The following CCDC171 variants were observed in gnomAD, a reference collection of about 807,000 sequenced individuals.
CCDC171 encodes the protein coiled-coil domain containing 171, also known as coiled-coil domain-containing protein 171.
A neutral mutation model predicts 168.2 loss-of-function variants in CCDC171; 177 were observed. The ratio of observed to expected loss-of-function variants is 1.05; its 90% confidence interval spans 0.93 to 1.19. The LOEUF is 1.19. CCDC171 is among the 50% of genes most tolerant of loss of function. The pLI, the probability that CCDC171 is intolerant of heterozygous loss-of-function variation, is 0.00. For missense variants in CCDC171, 1,991 were observed against 1,539.0 expected (o/e 1.29, Z -4.91); for synonymous variants, 687 against 540.8 (o/e 1.27, Z -3.75).
At chr9:16,044,502 TA>T (rs1340588629) in intron 1 of CCDC171, among the ~76,000 whole-genome samples, 1 of 151,220 alleles carries the variant, frequency 6.6e-6, no homozygotes, top group East Asian at 1.9e-4. Context: ...GAATGAAAAA[TA>T]TAGATCAAAT....
Position 15,674,755 on chromosome 9 carries a change from T to A in CCDC171, c.1077-4003T>A, listed in dbSNP as rs557365404. Among the ~76,000 whole-genome samples the A allele has an allele frequency of 5.3e-5, 8 of 152,302 alleles. No individual in the cohort carries two copies. In the South Asian group the frequency reaches 1.4e-3, roughly 28 times the overall value. On this transcript the variant is annotated intron_variant, in intron 9 of 25. Transcript: ENST00000380701. ...TGTTATAATTTCTCATCTTTTACAT[T>A]TGCTGAGGAGTGTTTTATTTCCAAT...
At chr9:16,020,594 CTA>C (rs1564123059) in exon 4 of CCDC171, 1 of 154,348 alleles carries the variant, frequency 6.5e-6, no homozygotes, top group Non-Finnish European at 1.5e-5. Flanking sequence ...GCCAGCAGCA[CTA>C]CGTTTGCACT....
At chr9:15,725,389 T>C (rs2053733070) in intron 14 of CCDC171, among the ~76,000 whole-genome samples, 1 of 152,204 alleles carries the variant, frequency 6.6e-6, no homozygotes, top group Admixed American at 6.5e-5. Context: ...CTTCTGTTTA[T>C]AAATGATGTG....
At chr9:15,740,268 TC>T (rs1451493516) in intron 16 of CCDC171, among the ~76,000 whole-genome samples, 1 of 152,186 alleles carries the variant, frequency 6.6e-6, no homozygotes, top group Non-Finnish European at 1.5e-5. Context: ...CAGAAGGCCA[TC>T]CAGTTATTTC....
intron 7 of CCDC171, among the ~76,000 whole-genome samples, chr9:15,651,775 T>C (rs1211286015): frequency 6.6e-6 from 1 of 152,220 alleles, no homozygotes; most frequent in East Asian, 1.9e-4. Context: ...GTTGATTACA[T>C]ACCTTTGCTA....
intron 24 of CCDC171, among the ~76,000 whole-genome samples, chr9:15,884,251 G>A (rs1386777095): frequency 7.1e-6 from 1 of 140,038 alleles, no homozygotes; most frequent in Non-Finnish European, 1.6e-5. Context: ...CTGGTCTGGT[G>A]CATCTTTGGG....
intron 24 of CCDC171, among the ~76,000 whole-genome samples, chr9:15,914,660 C>G (rs1824231192): frequency 6.7e-6 from 1 of 149,162 alleles, no homozygotes; most frequent in Non-Finnish European, 1.5e-5. Flanking sequence ...GTGAACAGTT[C>G]TGTCTTGCTA....
At chr9:15,893,930 T>C (rs978277658) in intron 24 of CCDC171, among the ~76,000 whole-genome samples, 1 of 152,182 alleles carries the variant, frequency 6.6e-6, no homozygotes, top group Admixed American at 6.5e-5. Context: ...ACTGGGTATA[T>C]ACCAAAGATG....
chr9:15,893,832 G>T (rs1291495858), intron 24 of CCDC171, among the ~76,000 whole-genome samples: 2 of 152,138 alleles, frequency 1.3e-5, no homozygotes, highest in African/African-American at 2.4e-5. Flanking sequence ...CTGTTGGTAG[G>T]AGTGTAAGTT....
chr9:16,070,674 T>C, the CCDC171 span, among the ~76,000 whole-genome samples: 1 of 152,084 alleles, frequency 6.6e-6, no homozygotes, highest in Non-Finnish European at 1.5e-5. Context: ...AGCCGCCTGG[T>C]TTCCTCTCTG....
Position 15,666,157 on chromosome 9 carries a change from C to G in CCDC171, c.916-6C>G, listed in dbSNP as rs551724590. On this transcript the variant is annotated splice_region_variant and splice_polypyrimidine_tract_variant and intron_variant, in intron 8 of 25. Coordinates refer to ENST00000380701, the MANE Select transcript of CCDC171 (RefSeq NM_173550.4). ...TTGATTTAATTACTTGTCTGTCGTC[C>G]GGTAGTTACGGATTCGAGACCTTGA... 2 of 1,611,962 alleles carry G rather than the reference C, an allele frequency of 1.2e-6. No individual in the cohort carries two copies. Among genetic ancestry groups the G allele is most frequent in the East Asian group, 4.5e-5 (2 of 44,816 alleles).
intron 2 of CCDC171, among the ~76,000 whole-genome samples, chr9:15,567,927 C>T (rs1353366712): frequency 6.6e-6 from 1 of 151,918 alleles, no homozygotes; most frequent in Non-Finnish European, 1.5e-5. Flanking sequence ...GTGCTGGCAT[C>T]AGGCATGAGC....
At chr9:15,678,070 C>T (rs942396692) in intron 9 of CCDC171, among the ~76,000 whole-genome samples, 10 of 150,118 alleles carry the variant, frequency 6.7e-5, no homozygotes, top group African/African-American at 2.2e-4. Flanking sequence ...CCACTGTGCT[C>T]GGCTGATATT....
intron 24 of CCDC171, 39 bp from the exon 25 acceptor site, chr9:15,920,231 T>G: frequency 7.6e-7 from 1 of 1,309,100 alleles, no homozygotes; most frequent in Non-Finnish European, 1.0e-6. Flanking sequence ...GGGGACATAT[T>G]TATTTGAATT....
At chr9:15,931,888 C>T (rs1186793273) in intron 25 of CCDC171, among the ~76,000 whole-genome samples, 5 of 151,438 alleles carry the variant, frequency 3.3e-5, no homozygotes, top group Admixed American at 3.3e-4. Flanking sequence ...TGTCCTCTCC[C>T]CAATGTGTGT....
chr9:15,657,066 G>T, intron 7 of CCDC171, 61 bp from the exon 8 acceptor site: 1 of 920,504 alleles, frequency 1.1e-6, no homozygotes, highest in Non-Finnish European at 1.7e-6. Flanking sequence ...CTGGACTGTA[G>T]TGATCCATAT....
intron 10 of CCDC171, among the ~76,000 whole-genome samples, chr9:15,689,305 A>G (rs1018634673): frequency 6.6e-6 from 1 of 152,228 alleles, no homozygotes. Flanking sequence ...TGCAATCTCC[A>G]TCAAAATCTC....
intron 24 of CCDC171, among the ~76,000 whole-genome samples, chr9:15,913,963 A>G (rs1378567702): frequency 1.3e-5 from 2 of 152,180 alleles, no homozygotes; most frequent in East Asian, 3.9e-4. Context: ...CCTAGGTATC[A>G]CCAACAGAGG....
Position 15,553,892 on chromosome 9 carries a change from A to G in CCDC171, c.-112+590A>G, listed in dbSNP as rs536117133. On this transcript the variant is annotated intron_variant, in intron 1 of 25. Transcript: ENST00000380701. The stretch of plus-strand genomic sequence containing the variant: ...AAGAAAATACATATTTCATGTATAC[A>G]TTTTAGGTAAATGAGATAAATACGT... 1.4e-3 allele frequency among the ~76,000 whole-genome samples: 208 copies of G among 151,426 alleles called. 1 individual carries two copies. Among genetic ancestry groups the G allele is most frequent in the Non-Finnish European group, 2.6e-3 (175 of 67,312 alleles).
Sources: allele counts gnomAD v4.1 joint callset (sites outside exome capture counted in the v4.1 genomes callset), GRCh38; gene constraint gnomAD v4.1.1; transcripts MANE v1.5; gene names NCBI Gene and HGNC (gene_info 2026-07-23, HGNC 2026-07-21).